Variants in EIF4E observed in about 807,000 individuals in gnomAD.
EIF4E encodes the protein eIF-4F 25 kDa subunit.
For missense variants in EIF4E, 113 were observed against 265.6 expected, an observed-to-expected ratio of 0.43 and a Z score of 3.99; for synonymous variants, 71 against 88.5, an observed-to-expected ratio of 0.80 and a Z score of 1.11.
In EIF4E at chr4:98,922,568, A is replaced by C. The variant is rs548328618; in HGVS notation, c.18+6527T>G. Among the ~76,000 whole-genome samples the C allele has an allele frequency of 7.3e-3, 1,115 of 151,950 alleles. 17 individuals carry two copies. Among genetic ancestry groups the C allele is most frequent in the African/African-American group, 0.026 (1,079 of 41,442 alleles). Reference sequence around the variant, plus strand: ...GACGCTGTCTCAAAAAAAAAAAAAAAAGAAATAAATGAGTTAATATATGTA... The same window carrying C: ...GACGCTGTCTCAAAAAAAAAAAAAACAGAAATAAATGAGTTAATATATGTA... On this transcript the variant is annotated intron_variant, in intron 1 of 6. Transcript: ENST00000450253.
intron 1 of EIF4E, among the ~76,000 whole-genome samples, chr4:98,927,196 C>T (rs2110231444): frequency 6.6e-6 from 1 of 152,222 alleles, no homozygotes; most frequent in East Asian, 1.9e-4. Flanking sequence ...GTTTTTCAGT[C>T]AATTTAATTC....
At position 98,887,683 on chromosome 4, in the gene EIF4E, C is replaced by T. The variant is rs1723981256; in HGVS notation, c.285+206G>A. On this transcript the variant is annotated intron_variant, in intron 4 of 6. Coordinates refer to ENST00000450253, the MANE Select transcript of EIF4E (RefSeq NM_001968.5). The surrounding 1 kb of genome is among the most constrained non-coding windows in gnomAD (Gnocchi z 4.0). ...TCAAAGCTCTCATCAAAATCAATCT[C>T]AGTATGTGCCCACAGAGTAACTCTC... Among the ~76,000 whole-genome samples the T allele has an allele frequency of 6.6e-6, 1 of 152,148 alleles. No homozygotes were observed. The highest frequency in any genetic ancestry group is 2.4e-5 in the African/African-American group (1 of 41,422).
intron 2 of EIF4E, among the ~76,000 whole-genome samples, chr4:98,897,411 A>G (rs1297231651): frequency 6.6e-6 from 1 of 152,028 alleles, no homozygotes; most frequent in African/African-American, 2.4e-5. Flanking sequence ...TCTCTACTAA[A>G]AATACAAAAA....
chr4:98,906,147 T>C (rs891850010), intron 1 of EIF4E, among the ~76,000 whole-genome samples: 3 of 152,206 alleles, frequency 2.0e-5, no homozygotes, highest in African/African-American at 7.2e-5. Flanking sequence ...CCCCTCAGAA[T>C]ACCCCATTTG....
At chr4:98,885,301 A>G (rs1723866911) in intron 5 of EIF4E, among the ~76,000 whole-genome samples, 2 of 152,258 alleles carry the variant, frequency 1.3e-5, no homozygotes, top group Admixed American at 1.3e-4. Flanking sequence ...TGGCAGACAT[A>G]AAAGCTGATT....
At chr4:98,927,641 C>A (rs541339191) in intron 1 of EIF4E, among the ~76,000 whole-genome samples, 1 of 71,124 alleles carries the variant, frequency 1.4e-5, no homozygotes, top group African/African-American at 5.3e-5. Flanking sequence ...GGCGACAAAG[C>A]AAGACTCCAT....
intron 1 of EIF4E, among the ~76,000 whole-genome samples, chr4:98,923,858 C>G (rs1004256301): frequency 1.3e-5 from 2 of 152,204 alleles, no homozygotes; most frequent in African/African-American, 4.8e-5. Flanking sequence ...TAGTCCCTTA[C>G]AGTTGACAAA....
At chr4:98,909,722 TTTCACCATC>T (rs1725027094) in intron 1 of EIF4E, 1 of 707,606 alleles carries the variant, frequency 1.4e-6, no homozygotes, top group South Asian at 1.5e-5. Flanking sequence ...ATGGCATCAT[TTTCACCATC>T]TTCAGCTCTC....
In EIF4E at chr4:98,887,063, A is replaced by G; in HGVS notation, c.399+16T>C. 6.2e-7 allele frequency: 1 copy of G among 1,611,276 alleles called. No homozygotes were observed. Among genetic ancestry groups the G allele is most frequent in the Non-Finnish European group, 8.5e-7 (1 of 1,178,826 alleles). On this transcript the variant is annotated intron_variant, in intron 5 of 6. Transcript: ENST00000450253. The surrounding 1 kb of genome is among the most constrained non-coding windows in gnomAD (Gnocchi z 4.0). ...AAAACTACCTCTAAAACTGCTTTAT[A>G]CTTTTAAAACCTTACTGTCTCTAGC... is the stretch of plus-strand genomic sequence containing the variant.
intron 1 of EIF4E, chr4:98,928,756 T>C: frequency 8.3e-7 from 1 of 1,210,246 alleles, no homozygotes; most frequent in East Asian, 2.8e-5. Flanking sequence ...GCCCTGCGCC[T>C]TCCTATCATG....
intron 2 of EIF4E, among the ~76,000 whole-genome samples, chr4:98,899,101 A>G (rs950533161): frequency 6.6e-6 from 1 of 152,048 alleles, no homozygotes; most frequent in Non-Finnish European, 1.5e-5. Flanking sequence ...TAGAAGACAA[A>G]TGATATGGAT....
chr4:98,911,486 C>A (rs1180212539), intron 1 of EIF4E, among the ~76,000 whole-genome samples: 1 of 149,270 alleles, frequency 6.7e-6, no homozygotes, highest in East Asian at 2.0e-4. Flanking sequence ...ATGGAGAAAT[C>A]CCATCTCTAC....
At chr4:98,904,239 T>C (rs1193908330) in intron 1 of EIF4E, among the ~76,000 whole-genome samples, 1 of 152,152 alleles carries the variant, frequency 6.6e-6, no homozygotes, top group Non-Finnish European at 1.5e-5. Context: ...GCGAGAGGAC[T>C]GCTTGAGTCC....
intron 1 of EIF4E, among the ~76,000 whole-genome samples, chr4:98,925,116 A>G (rs2110228746): frequency 6.6e-6 from 1 of 152,344 alleles, no homozygotes; most frequent in Admixed American, 6.5e-5. Flanking sequence ...CTTATTAATA[A>G]GCTGTGTAGT....
chr4:98,891,152 A>T (rs1283700542), intron 3 of EIF4E, 85 bp downstream of exon 3: 3 of 1,425,130 alleles, frequency 2.1e-6, no homozygotes, highest in Non-Finnish European at 3.0e-6. Flanking sequence ...TTTAACTCAC[A>T]CTTCATTTTG....
At position 98,898,238 on chromosome 4, in the gene EIF4E, T is replaced by C. The variant is rs146351981; in HGVS notation, c.125+3638A>G. ...ACCTGTGTGAGGCTGTATTGTCTTCTTATACTTCCAATGAAACATCTTAAC... is the reference window on the plus strand; with the variant it reads ...ACCTGTGTGAGGCTGTATTGTCTTCCTATACTTCCAATGAAACATCTTAAC... On this transcript the variant is annotated intron_variant, in intron 2 of 6. Coordinates refer to ENST00000450253, the MANE Select transcript of EIF4E (RefSeq NM_001968.5). Among the ~76,000 whole-genome samples, 193 of 152,336 alleles carry C rather than the reference T, an allele frequency of 1.3e-3. 1 individual carries two copies. The highest frequency in any genetic ancestry group is 4.5e-3 in the African/African-American group (188 of 41,570).
intron 1 of EIF4E, among the ~76,000 whole-genome samples, chr4:98,920,522 T>C (rs1725597365): frequency 6.6e-6 from 1 of 152,090 alleles, no homozygotes; most frequent in Non-Finnish European, 1.5e-5. Flanking sequence ...CTCGAACTCC[T>C]GATCTCAGGT....
At chr4:98,918,767 A>G (rs1234368192) in intron 1 of EIF4E, among the ~76,000 whole-genome samples, 1 of 152,248 alleles carries the variant, frequency 6.6e-6, no homozygotes, top group Non-Finnish European at 1.5e-5. Flanking sequence ...ATGCTCTACA[A>G]GACATATTAA....
chr4:98,899,414 T>G (rs1724554344), intron 2 of EIF4E, among the ~76,000 whole-genome samples: 1 of 152,160 alleles, frequency 6.6e-6, no homozygotes, highest in South Asian at 2.1e-4. Context: ...GGCAACAACT[T>G]AAAAGACTAA....
Sources: allele counts gnomAD v4.1 joint callset (sites outside exome capture counted in the v4.1 genomes callset), GRCh38; gene constraint gnomAD v4.1.1; non-coding constraint Gnocchi (gnomAD v3.1); transcripts MANE v1.5; gene names NCBI Gene and HGNC (gene_info 2026-07-23, HGNC 2026-07-21).